RBFOX1: variants seen among roughly 807,000 people sequenced by gnomAD.
The protein encoded by RBFOX1 is RNA binding protein fox-1 homolog 1.
In RBFOX1, 8 loss-of-function variants were observed where a neutral mutation model predicts 57.7. The ratio of observed to expected loss-of-function variants is 0.14; its 90% CI spans 0.08 to 0.25. The LOEUF (loss-of-function observed/expected upper bound fraction) is 0.25. Ranked by LOEUF, RBFOX1 falls within the 10% of genes least tolerant of loss-of-function variation. The probability of loss-of-function intolerance (pLI) is 1.00; values close to 1 mark genes in which losing one functional copy is unlikely to be tolerated. For synonymous variants in RBFOX1, 326 were observed against 222.4 expected (o/e 1.47, Z -4.15); for missense variants, 611 against 548.5 (o/e 1.11, Z -1.14).
intron 1 of RBFOX1, among the ~76,000 whole-genome samples, chr16:5,323,899 TC>T (rs1436495535): frequency 6.6e-6 from 1 of 152,210 alleles, no homozygotes. Context: ...CAATGGGAAA[TC>T]CCTTAATTAG....
chr16:5,613,842 G>C (rs1344024680), intron 3 of RBFOX1, among the ~76,000 whole-genome samples: 1 of 151,850 alleles, frequency 6.6e-6, no homozygotes, highest in African/African-American at 2.4e-5. Context: ...CCGAAGACTG[G>C]ATTCTATGGA....
At chr16:6,838,184 C>G (rs1008212572) in intron 3 of RBFOX1, among the ~76,000 whole-genome samples, 2 of 152,074 alleles carry the variant, frequency 1.3e-5, no homozygotes, top group Non-Finnish European at 2.9e-5. Context: ...CCCTTGCCCC[C>G]TAGCCCCCGA....
At chr16:7,670,794 A>C (rs932147040) in intron 13 of RBFOX1, among the ~76,000 whole-genome samples, 1 of 152,120 alleles carries the variant, frequency 6.6e-6, no homozygotes, top group African/African-American at 2.4e-5. Flanking sequence ...AGAATTGGAG[A>C]ATTTTATTTC....
chr16:5,754,653 A>G lies in RBFOX1; in HGVS notation c.319-112650A>G, dbSNP rs537178478. ...GGGTCAGCAGACAAACACGTGAACA[A>G]AGGTCTTGGCATCATAGACAATGTA... On this transcript the variant is annotated intron_variant, in intron 3 of 19. Coordinates refer to the RBFOX1 transcript ENST00000641259. 2.8e-3 allele frequency among the ~76,000 whole-genome samples: 317 copies of G among 113,554 alleles called. 3 individuals are homozygous for G. The highest frequency in any genetic ancestry group is 0.01 in the African/African-American group (297 of 28,486). 74.5% of individuals were successfully genotyped at this position (113,554 alleles called of 152,430 possible). A position where few individuals can be genotyped will look rare whatever the true frequency, so the allele number is the denominator to read the frequency against.
intron 1 of RBFOX1, among the ~76,000 whole-genome samples, chr16:6,187,804 C>T (rs1225382464): frequency 1.3e-5 from 2 of 152,180 alleles, no homozygotes; most frequent in Non-Finnish European, 2.9e-5. Context: ...GTTTGCCAGA[C>T]ACCCAGAGCA....
intron 1 of RBFOX1, among the ~76,000 whole-genome samples, chr16:6,228,088 A>C (rs1376206585): frequency 6.6e-6 from 1 of 152,152 alleles, no homozygotes; most frequent in African/African-American, 2.4e-5. Context: ...AGGTGGGTGG[A>C]TCACTTGAGG....
intron 4 of RBFOX1, among the ~76,000 whole-genome samples, chr16:7,488,250 T>G (rs8059548): frequency 0.39 from 59,635 of 152,056 alleles, 14,367 homozygotes; most frequent in Non-Finnish European, 0.55. Flanking sequence ...TAGCCTGGTG[T>G]TGTTCTGGCA....
intron 5 of RBFOX1, among the ~76,000 whole-genome samples, chr16:7,566,746 C>T (rs776534571): frequency 5.3e-5 from 8 of 152,042 alleles, no homozygotes; most frequent in Non-Finnish European, 5.9e-5. Context: ...TAGCCGGAAT[C>T]CTTTGTCTTA....
chr16:6,604,744 A>G (rs376253022), intron 2 of RBFOX1, among the ~76,000 whole-genome samples: 2 of 152,208 alleles, frequency 1.3e-5, no homozygotes, highest in Non-Finnish European at 2.9e-5. Flanking sequence ...TCTACAATTC[A>G]ATAGGAATAT....
intron 3 of RBFOX1, among the ~76,000 whole-genome samples, chr16:6,896,549 G>T (rs1469201785): frequency 6.6e-6 from 1 of 152,088 alleles, no homozygotes; most frequent in East Asian, 1.9e-4. Context: ...GGTAATTTCA[G>T]TTAACATAAT....
intron 1 of RBFOX1, among the ~76,000 whole-genome samples, chr16:6,123,199 T>C (rs1327855667): frequency 3.3e-5 from 5 of 152,342 alleles, no homozygotes; most frequent in Admixed American, 6.5e-5. Context: ...GATACTTGTA[T>C]ACCAGTGTTT....
chr16:5,955,185 G>GGC (rs2059602356), intron 4 of RBFOX1, among the ~76,000 whole-genome samples: 1 of 106,806 alleles, frequency 9.4e-6, no homozygotes, highest in South Asian at 2.5e-4. Context: ...AGGAGGCTGA[G>GGC]GCACAGGAAT....
At chr16:6,150,261 C>T (rs999121811) in intron 1 of RBFOX1, among the ~76,000 whole-genome samples, 1 of 152,088 alleles carries the variant, frequency 6.6e-6, no homozygotes, top group South Asian at 2.1e-4. Context: ...TTTGGATTAA[C>T]AGAATCCCCA....
chr16:6,743,360 G>T (rs1045633915), intron 3 of RBFOX1, among the ~76,000 whole-genome samples: 2 of 152,140 alleles, frequency 1.3e-5, no homozygotes, highest in African/African-American at 4.8e-5. Flanking sequence ...AATATACTCA[G>T]TTCAAAGGCA....
chr16:6,100,921 G>C (rs1236401894), intron 1 of RBFOX1, among the ~76,000 whole-genome samples: 1 of 152,140 alleles, frequency 6.6e-6, no homozygotes, highest in Non-Finnish European at 1.5e-5. Context: ...AGGGATGACT[G>C]TGTGGCCAAT....
chr16:6,921,646 T>TATA (rs893031578), intron 3 of RBFOX1, among the ~76,000 whole-genome samples: 14 of 18,112 alleles, frequency 7.7e-4, no homozygotes, highest in African/African-American at 2.0e-3. Context: ...TATATATATA[T>TATA]TTTTTTTTTT....
chr16:6,483,600 G>C (rs1339139790), intron 2 of RBFOX1: 118 of 1,505,656 alleles, frequency 7.8e-5, no homozygotes, highest in Admixed American at 1.0e-4. Context: ...GAAAGAGGGA[G>C]AGAGGGAGGG....
chr16:7,060,096 C>T (rs1159012), intron 4 of RBFOX1, among the ~76,000 whole-genome samples: 7,691 of 152,132 alleles, frequency 0.051, 333 homozygotes, highest in East Asian at 0.2. Flanking sequence ...AGAATTGATA[C>T]CATAGAGTTA....
At chr16:6,820,835 A>G (rs1012607479) in intron 3 of RBFOX1, among the ~76,000 whole-genome samples, 15 of 152,170 alleles carry the variant, frequency 9.9e-5, no homozygotes, top group African/African-American at 3.6e-4. Flanking sequence ...CTTCCAAAGA[A>G]GCCATGTAGA....
Sources: allele counts gnomAD v4.1 joint callset (sites outside exome capture counted in the v4.1 genomes callset), GRCh38; gene constraint gnomAD v4.1.1; transcripts MANE v1.5; gene names NCBI Gene and HGNC (gene_info 2026-07-23, HGNC 2026-07-21).